Variants in ANO5 observed in about 807,000 individuals in gnomAD.
ANO5 encodes anoctamin-5.
In ANO5, 109 loss-of-function variants were observed where a neutral mutation model predicts 121.0. The observed-to-expected ratio is 0.90, with a 90% CI of 0.77 to 1.06. The LOEUF is 1.06. ANO5 is among the 50% of genes least tolerant of loss of function. ANO5 has a pLI of 0.00. For synonymous variants in ANO5, 406 were observed against 359.9 expected (o/e 1.13, Z -1.45); for missense variants, 1,064 against 1,078.5 (o/e 0.99, Z 0.19).
At chr11:22,252,025 GTC>G (rs1853835498) in intron 12 of ANO5, among the ~76,000 whole-genome samples, 1 of 60,086 alleles carries the variant, frequency 1.7e-5, no homozygotes, top group African/African-American at 8.0e-5. Context: ...GCAAGACGCC[GTC>G]TCAAAAAAAA....
chr11:22,199,115 A>G (rs1034940558), intron 1 of ANO5, among the ~76,000 whole-genome samples: 8 of 152,298 alleles, frequency 5.3e-5, no homozygotes, highest in South Asian at 4.1e-4. Context: ...AAACATTTTA[A>G]GAGCAGATCC....
intron 4 of ANO5, 90 bp downstream of exon 4, chr11:22,218,377 G>C: frequency 6.6e-7 from 1 of 1,514,696 alleles, no homozygotes; most frequent in African/African-American, 1.4e-5. Context: ...ACTTTGATTT[G>C]GGGGAACATT....
chr11:22,278,831 G>A lies in ANO5; in HGVS notation c.2521-713G>A, dbSNP rs566404162. Among the ~76,000 whole-genome samples, 16 of 151,260 alleles carry A rather than the reference G, an allele frequency of 1.1e-4. 1 individual carries two copies. The highest frequency in any genetic ancestry group is 8.6e-4 in the Admixed American group (13 of 15,184). ...ACCTATTTTCTAAGACCTGAGCAAGGCAGAGGGGCTATGTATCTCACAGTT... is the reference window on the plus strand; with the variant it reads ...ACCTATTTTCTAAGACCTGAGCAAGACAGAGGGGCTATGTATCTCACAGTT... On this transcript the variant is annotated intron_variant, in intron 21 of 21. Transcript: ENST00000324559.
intron 1 of ANO5, among the ~76,000 whole-genome samples, chr11:22,195,839 G>A (rs950646386): frequency 6.6e-6 from 1 of 152,102 alleles, no homozygotes; most frequent in Admixed American, 6.5e-5. Flanking sequence ...TATTGATGAG[G>A]AATACCGTAT....
At chr11:22,229,888 C>T (rs150062262) in intron 7 of ANO5, among the ~76,000 whole-genome samples, 4,251 of 151,994 alleles carry the variant, frequency 0.028, 206 homozygotes, top group African/African-American at 0.097. Context: ...CCTTTTTATC[C>T]TCATCCATAA....
intron 21 of ANO5, among the ~76,000 whole-genome samples, chr11:22,278,328 A>G (rs965683382): frequency 6.6e-6 from 1 of 151,754 alleles, no homozygotes; most frequent in African/African-American, 2.4e-5. Flanking sequence ...ATTTGCTGGC[A>G]TAATTTCTTT....
At chr11:22,218,524 T>C (rs563814493) in intron 4 of ANO5, among the ~76,000 whole-genome samples, 7 of 152,146 alleles carry the variant, frequency 4.6e-5, no homozygotes, top group Admixed American at 1.3e-4. Context: ...TTCATACAGT[T>C]TCAGTGGTTT....
Position 22,221,000 on chromosome 11 carries a change from G to T in ANO5, c.181-97G>T, listed in dbSNP as rs980107448. The T allele has an allele frequency of 4.0e-5, 35 of 874,878 alleles. No homozygotes were observed. In the East Asian group the frequency reaches 9.3e-4, roughly 23 times the overall value. 54.2% of individuals were successfully genotyped at this position (874,878 alleles called of 1,614,324 possible). ...CTGTTGCTGAAAACTCTGGTTATTT[G>T]TCTTGATTTGACTAAATTATAAATA... is the stretch of plus-strand genomic sequence containing the variant. On this transcript the variant is annotated intron_variant, in intron 4 of 21. Transcript: ENST00000324559.
At position 22,262,238 on chromosome 11, in the gene ANO5, G is replaced by A. The variant is rs1220657893; in HGVS notation, c.1740G>A (p.Gly580=). ...SSCFYVAFFK[G]KFVGYPGKYT... is the part of the protein sequence containing the mutation. ...GCTTCTACGTAGCTTTCTTTAAAGG[G>A]AAGTTCGTAGGCTATCCTGGAAAAT... is the stretch of plus-strand genomic sequence containing the variant. Residue 580 remains glycine, a synonymous_variant, in exon 16 of 22, where the codon GGG becomes GGA. Transcript: ENST00000324559. The A allele has an allele frequency of 6.2e-7, 1 of 1,613,848 alleles. No homozygotes were observed. The highest frequency in any genetic ancestry group is 8.5e-7 in the Non-Finnish European group (1 of 1,179,910).
At chr11:22,199,843 A>G (rs1290718829) in intron 1 of ANO5, among the ~76,000 whole-genome samples, 2 of 152,120 alleles carry the variant, frequency 1.3e-5, no homozygotes, top group African/African-American at 4.8e-5. Context: ...TTGAATAATT[A>G]TGGATATTCT....
chr11:22,193,542 C>T lies in ANO5; in HGVS notation c.40+10C>T. On this transcript the variant is annotated intron_variant, in intron 1 of 21. Coordinates refer to ENST00000324559, the MANE Select transcript of ANO5 (RefSeq NM_213599.3). ...GTGTTGGCGGAGGAAGGTAGGACCG[C>T]GCCAAGAGGCGTCAAGGGAGAGCCA... is the stretch of plus-strand genomic sequence containing the variant. 1 of 1,611,890 alleles carries T rather than the reference C, an allele frequency of 6.2e-7. No homozygotes were observed. Among genetic ancestry groups the T allele is most frequent in the South Asian group, 1.1e-5 (1 of 90,480 alleles).
intron 9 of ANO5, among the ~76,000 whole-genome samples, chr11:22,244,601 G>C (rs565991976): frequency 8.7e-6 from 1 of 115,324 alleles, no homozygotes; most frequent in South Asian, 2.5e-4. Context: ...TTTAACTTTT[G>C]TCTGGCTCAG....
chr11:22,262,061 C>A, intron 15 of ANO5, 68 bp from the exon 16 acceptor site: 1 of 1,479,824 alleles, frequency 6.8e-7, no homozygotes, highest in Non-Finnish European at 9.4e-7. Flanking sequence ...GTTCACTTGT[C>A]CTAGGGAGTA....
At chr11:22,265,434 C>T (rs1437804893) in intron 17 of ANO5, among the ~76,000 whole-genome samples, 9 of 151,922 alleles carry the variant, frequency 5.9e-5, no homozygotes, top group African/African-American at 1.7e-4. Context: ...AAAATTGTCA[C>T]GGAAAGAACT....
At chr11:22,258,709 C>T (rs1854082714) in intron 14 of ANO5, among the ~76,000 whole-genome samples, 1 of 152,196 alleles carries the variant, frequency 6.6e-6, no homozygotes, top group Non-Finnish European at 1.5e-5. Flanking sequence ...CTTGATTCTA[C>T]ATCTTTAACT....
chr11:22,250,365 C>T lies in ANO5; in HGVS notation c.1007C>T (p.Thr336Ile). The change falls in exon 10 of 22, where the codon ACA becomes ATA. Residue 336 changes from threonine to isoleucine, a missense_variant. Thr to Ile is a moderately conservative substitution (Grantham distance 89). Transcript: ENST00000324559. ...IYGLLSMEHN[T>I]SSTEICDPEI... ...GGCTTATTATCAATGGAACATAACA[C>T]AAGCAGGTAAGTGCACCTGAGTTGC... The T allele has an allele frequency of 6.2e-7, 1 of 1,613,448 alleles. No individual in the cohort carries two copies. The highest frequency in any genetic ancestry group is 8.5e-7 in the Non-Finnish European group (1 of 1,179,652).
intron 3 of ANO5, among the ~76,000 whole-genome samples, chr11:22,213,433 C>G (rs1469007238): frequency 6.7e-6 from 1 of 149,310 alleles, no homozygotes; most frequent in Non-Finnish European, 1.5e-5. Context: ...TAAATTGGGA[C>G]TTTCCTGATT....
intron 1 of ANO5, among the ~76,000 whole-genome samples, chr11:22,198,383 A>G (rs1185140634): frequency 6.6e-6 from 1 of 152,110 alleles, no homozygotes; most frequent in Non-Finnish European, 1.5e-5. Flanking sequence ...AAGGGAAGAA[A>G]CAGTGTTAGT....
intron 18 of ANO5, among the ~76,000 whole-genome samples, chr11:22,271,318 G>C (rs958787019): frequency 9.2e-5 from 14 of 152,114 alleles, no homozygotes; most frequent in Non-Finnish European, 2.1e-4. Context: ...AAAGTGCTGG[G>C]ATTACAGGCG....
Sources: allele counts gnomAD v4.1 joint callset (sites outside exome capture counted in the v4.1 genomes callset), GRCh38; gene constraint gnomAD v4.1.1; transcripts MANE v1.5; gene names NCBI Gene and HGNC (gene_info 2026-07-23, HGNC 2026-07-21).